The following AKAP5 variants were observed in gnomAD, a reference collection of about 807,000 sequenced individuals.
AKAP5 encodes A-kinase anchor protein 5.
AKAP5 carries 5 observed loss-of-function variants against 13.8 expected under a neutral mutation model. The ratio of observed to expected loss-of-function variants is 0.36; its 90% CI spans 0.19 to 0.76. The LOEUF is 0.76. Ranked by LOEUF, AKAP5 falls within the 30% of genes least tolerant of loss-of-function variation. AKAP5 has a pLI of 0.51. For missense variants in AKAP5, 406 were observed against 484.4 expected (o/e 0.84, Z 1.52); for synonymous variants, 148 against 167.2 (o/e 0.89, Z 0.89).
In AKAP5 at chr14:64,469,259, C is replaced by G. The variant is rs765696228; in HGVS notation, c.865C>G (p.Pro289Ala). 45 of 1,613,364 alleles carry G rather than the reference C, an allele frequency of 2.8e-5. No homozygotes were observed. The highest frequency in any genetic ancestry group is 3.6e-5 in the Non-Finnish European group (42 of 1,179,956). Residue 289 changes from proline to alanine, a missense_variant, in exon 2 of 2, where the codon CCA becomes GCA. Transcript: ENST00000394718. ...CAGTAACAGTACCCTAGAAAGTGCA[C>G]CAAATGGAAAAGACTATGAAAGTAC... ...EASNSTLESA[P>A]NGKDYESTEI... is the part of the protein sequence containing the mutation.
chr14:64,469,970 G>T lies in AKAP5; in HGVS notation c.*292G>T. The T allele has an allele frequency of 3.8e-6, 1 of 262,808 alleles. No individual in the cohort carries two copies. The highest frequency in any genetic ancestry group is 7.6e-6 in the Non-Finnish European group (1 of 131,506). 16.3% of individuals were successfully genotyped at this position (262,808 alleles called of 1,614,324 possible). A position where few individuals can be genotyped will look rare whatever the true frequency, so the allele number is the denominator to read the frequency against. ...GATTGGAGTGCTTTGGGGGAGGAAG[G>T]TGTATTTATTGAGCACTTATGGTAT... is the stretch of plus-strand genomic sequence containing the variant. On this transcript the variant is annotated 3_prime_UTR_variant, in exon 2 of 2. Coordinates refer to ENST00000394718, the MANE Select transcript of AKAP5 (RefSeq NM_004857.3).
At position 64,469,061 on chromosome 14, in the gene AKAP5, A is replaced by T. The variant is rs773080854; in HGVS notation, c.667A>T (p.Ile223Phe). Reference protein sequence around the residue: ...ELGLDNGHSAIQTGTLILEEI... With the variant: ...ELGLDNGHSAFQTGTLILEEI... ...TGGATTAGATAATGGGCATTCTGCT[A>T]TTCAAACGGGAACTCTAATCCTTGA... Residue 223 changes from isoleucine (I) to phenylalanine (F), a missense_variant, in exon 2 of 2, where the codon ATT (isoleucine) becomes TTT (phenylalanine). By Grantham distance (21) the Ile-to-Phe change is conservative. Coordinates refer to ENST00000394718, the MANE Select transcript of AKAP5 (RefSeq NM_004857.3). 2.2e-5 allele frequency: 36 copies of T among 1,614,040 alleles called. No homozygotes were observed. Among genetic ancestry groups the T allele is most frequent in the Non-Finnish European group, 3.1e-5 (36 of 1,180,024 alleles).
At position 64,468,567 on chromosome 14, in the gene AKAP5, TGGC is replaced by T; in HGVS notation, c.174_176del (p.Ala59del). ...AAAGCTGGCTCTGAAGCTGCTGATGTGGCAAGGAAGTGTCCACAAGAAGCAGGA... is the reference window on the plus strand; with the variant it reads ...AAAGCTGGCTCTGAAGCTGCTGATGTAAGGAAGTGTCCACAAGAAGCAGGA... On this transcript the variant is annotated inframe_deletion, in exon 2 of 2. Transcript: ENST00000394718. 6.2e-7 allele frequency: 1 copy of T among 1,614,056 alleles called. No individual in the cohort carries two copies. The highest frequency in any genetic ancestry group is 8.5e-7 in the Non-Finnish European group (1 of 1,180,034).
In AKAP5 at chr14:64,468,694, A is replaced by T; in HGVS notation, c.300A>T (p.Pro100=). 3 of 1,614,146 alleles carry T rather than the reference A, an allele frequency of 1.9e-6. No individual in the cohort carries two copies. The highest frequency in any genetic ancestry group is 2.5e-6 in the Non-Finnish European group (3 of 1,180,028). The change falls in exon 2 of 2, where the codon CCA becomes CCT. Residue 100 remains proline, a synonymous_variant. Coordinates refer to ENST00000394718, the MANE Select transcript of AKAP5 (RefSeq NM_004857.3). ...CAGAGTCTTCAAAGCAGCAAAAGCC[A>T]TTGGAGGGTGAAATGCAACCTGCAA... ...KRSESSKQQK[P]LEGEMQPAIN... is the part of the protein sequence containing the mutation.
intron 1 of AKAP5, chr14:64,467,257 C>G (rs2078621517): frequency 6.6e-6 from 1 of 152,200 alleles, no homozygotes; most frequent in Non-Finnish European, 1.5e-5. Flanking sequence ...GTAATCTCAG[C>G]CAAATTGCTT....
At position 64,473,608 on chromosome 14, in the gene AKAP5, G is replaced by C. The variant is rs1458664346; in HGVS notation, c.*3930G>C. On this transcript the variant is annotated 3_prime_UTR_variant, in exon 2 of 2. Transcript: ENST00000394718. ...AAGTTACCTTATTTTTTATAGTTAA[G>C]AATGTTTTTCGAGGTTTACAACAGA... 1.2e-5 allele frequency: 2 copies of C among 166,996 alleles called. No individual in the cohort carries two copies. Among genetic ancestry groups the C allele is most frequent in the African/African-American group, 4.8e-5 (2 of 41,392 alleles). 10.3% of individuals were successfully genotyped at this position (166,996 alleles called of 1,614,324 possible). A position where few individuals can be genotyped will look rare whatever the true frequency, so the allele number is the denominator to read the frequency against.
rs1297918913 is a variant in AKAP5 at position 64,471,254 on chromosome 14, ACC to A, written c.*1577_*1578del. On this transcript the variant is annotated 3_prime_UTR_variant, in exon 2 of 2. Transcript: ENST00000394718. Reference sequence around the variant, plus strand: ...TGCAAGCTCCACCTCCTGGGTTCACACCATTCTTCTGCCTCAGCCTCCCAAGT... The same window carrying A: ...TGCAAGCTCCACCTCCTGGGTTCACAATTCTTCTGCCTCAGCCTCCCAAGT... The A allele has an allele frequency of 2.6e-5, 4 of 153,028 alleles. No homozygotes were observed. Among genetic ancestry groups the A allele is most frequent in the Non-Finnish European group, 5.9e-5 (4 of 67,692 alleles). 9.5% of individuals were successfully genotyped at this position (153,028 alleles called of 1,614,324 possible). A position where few individuals can be genotyped will look rare whatever the true frequency, so the allele number is the denominator to read the frequency against.
chr14:64,465,855 G>T (rs1228236292), intron 1 of AKAP5, among the ~76,000 whole-genome samples: 1 of 152,202 alleles, frequency 6.6e-6, no homozygotes, highest in African/African-American at 2.4e-5. Flanking sequence ...ATGGGTTGCC[G>T]GTGGCTTTTT....
chr14:64,468,133 T>C lies in AKAP5; in HGVS notation c.-262T>C, dbSNP rs2078630182. The C allele has an allele frequency of 4.1e-6, 1 of 243,202 alleles. No individual in the cohort carries two copies. Among genetic ancestry groups the C allele is most frequent in the Admixed American group, 5.0e-5 (1 of 19,854 alleles). 15.1% of individuals were successfully genotyped at this position (243,202 alleles called of 1,614,324 possible). The stretch of plus-strand genomic sequence containing the variant: ...TACCACTTTCTTTTCTCTCATCAGG[T>C]TGATCTTTAAATAAAGCAAAAATTT... On this transcript the variant is annotated splice_region_variant and 5_prime_UTR_variant, in exon 2 of 2. Transcript: ENST00000394718.
Position 64,468,755 on chromosome 14 carries a change from G to C in AKAP5, c.361G>C (p.Ala121Pro). 1 of 1,614,164 alleles carries C rather than the reference G, an allele frequency of 6.2e-7. No individual in the cohort carries two copies. The highest frequency in any genetic ancestry group is 8.5e-7 in the Non-Finnish European group (1 of 1,180,042). ...AEDADLSKKK[A>P]KSRLKIPCIK... The stretch of plus-strand genomic sequence containing the variant: ...GGATGCTGATCTTTCTAAGAAAAAG[G>C]CAAAATCTAGACTTAAGATTCCCTG... Residue 121 changes from alanine (A) to proline (P), a missense_variant, in exon 2 of 2, where the codon GCA becomes CCA. Coordinates refer to ENST00000394718, the MANE Select transcript of AKAP5 (RefSeq NM_004857.3).
In AKAP5 at chr14:64,474,192, G is replaced by A. The variant is rs2078700543; in HGVS notation, c.*4514G>A. The A allele has an allele frequency of 6.0e-6, 1 of 167,086 alleles. No homozygotes were observed. The highest frequency in any genetic ancestry group is 6.5e-5 in the Admixed American group (1 of 15,284). The allele number at this position is 167,086 out of a possible 1,614,324, so 10.4% of individuals were successfully genotyped here. A position where few individuals can be genotyped will look rare whatever the true frequency, so the allele number is the denominator to read the frequency against. On this transcript the variant is annotated 3_prime_UTR_variant, in exon 2 of 2. Transcript: ENST00000394718. Reference sequence around the variant, plus strand: ...GAGAGAGCAATTAATTTGGTGTGGGGAAGGTGGTGATCTGAATACAGCAGC... The same window carrying A: ...GAGAGAGCAATTAATTTGGTGTGGGAAAGGTGGTGATCTGAATACAGCAGC...
chr14:64,473,900 G>T lies in AKAP5; in HGVS notation c.*4222G>T, dbSNP rs964952904. 1.2e-5 allele frequency: 2 copies of T among 166,540 alleles called. No individual in the cohort carries two copies. The highest frequency in any genetic ancestry group is 6.6e-5 in the Admixed American group (1 of 15,264). The allele number at this position is 166,540 out of a possible 1,614,324, so 10.3% of individuals were successfully genotyped here. Reference sequence around the variant, plus strand: ...ATTTCAATCCATGGTATATTTTATGGTACATTTTGAAAAGAAAATTTGTAA... The same window carrying T: ...ATTTCAATCCATGGTATATTTTATGTTACATTTTGAAAAGAAAATTTGTAA... On this transcript the variant is annotated 3_prime_UTR_variant, in exon 2 of 2. Transcript: ENST00000394718.
rs2078682945 is a variant in AKAP5, at chr14:64,472,450, TAAG to T, written c.*2775_*2777del. 2 of 167,048 alleles carry T rather than the reference TAAG, an allele frequency of 1.2e-5. No individual in the cohort carries two copies. Among genetic ancestry groups the T allele is most frequent in the Admixed American group, 1.3e-4 (2 of 15,280 alleles). 10.3% of individuals were successfully genotyped at this position (167,048 alleles called of 1,614,324 possible). On this transcript the variant is annotated 3_prime_UTR_variant, in exon 2 of 2. Coordinates refer to ENST00000394718, the MANE Select transcript of AKAP5 (RefSeq NM_004857.3). ...AAATATGTGCAATGAATTTTTTGGT[TAAG>T]AAAGTAAAATTTTATCTAATACTAG...
Position 64,469,088 on chromosome 14 carries a change from G to C in AKAP5, c.694G>C (p.Glu232Gln). ...AIQTGTLILE[E>Q]IETIKEKQDV... ...TCAAACGGGAACTCTAATCCTTGAA[G>C]AAATTGAAACGATCAAGGAAAAACA... Residue 232 changes from glutamate (E) to glutamine (Q), a missense_variant, in exon 2 of 2, where the codon GAA (glutamate) becomes CAA (glutamine). Glu to Gln is a conservative substitution (Grantham distance 29, BLOSUM62 2). Transcript: ENST00000394718. 6.2e-7 allele frequency: 1 copy of C among 1,613,974 alleles called. No homozygotes were observed. The highest frequency in any genetic ancestry group is 2.2e-5 in the East Asian group (1 of 44,886).
Position 64,465,677 on chromosome 14 carries a change from G to A in AKAP5, c.-264+64G>A, listed in dbSNP as rs1781806045. The stretch of plus-strand genomic sequence containing the variant: ...GGTCGGGGGCAATGTCCGGTCCGCG[G>A]ACCGCGGAGTGGGCAAGAGGTGCCC... On this transcript the variant is annotated intron_variant, in intron 1 of 1. Coordinates refer to ENST00000394718, the MANE Select transcript of AKAP5 (RefSeq NM_004857.3). The A allele has an allele frequency of 2.6e-5, 4 of 152,234 alleles. No individual in the cohort carries two copies. The South Asian group carries it at 6.2e-4, about 24-fold the overall frequency. The allele number at this position is 152,234 out of a possible 1,614,324, so 9.4% of individuals were successfully genotyped here.
At position 64,471,589 on chromosome 14, in the gene AKAP5, TCTTTC is replaced by T. The variant is rs1041320779; in HGVS notation, c.*1915_*1919del. 6.0e-6 allele frequency: 1 copy of T among 167,148 alleles called. No individual in the cohort carries two copies. The highest frequency in any genetic ancestry group is 2.4e-5 in the African/African-American group (1 of 41,470). 10.4% of individuals were successfully genotyped at this position (167,148 alleles called of 1,614,324 possible). Reference sequence around the variant, plus strand: ...TTTTGAAAAAGTAATCCTATTTCAATCTTTCCTTGTGTGAAATGGCCATAATACCA... The same window carrying T: ...TTTTGAAAAAGTAATCCTATTTCAATCTTGTGTGAAATGGCCATAATACCA... On this transcript the variant is annotated 3_prime_UTR_variant, in exon 2 of 2. Coordinates refer to ENST00000394718, the MANE Select transcript of AKAP5 (RefSeq NM_004857.3).
rs2078699663 is a variant in AKAP5, at chr14:64,474,100, C to CG, written c.*4425dup. ...CCTAGGGAGCAGTGACAACAGAAAC[C>CG]GGGTTGGGTTAAGGCAAAGAGCCAT... On this transcript the variant is annotated 3_prime_UTR_variant, in exon 2 of 2. Coordinates refer to ENST00000394718, the MANE Select transcript of AKAP5 (RefSeq NM_004857.3). 6.0e-6 allele frequency: 1 copy of CG among 167,040 alleles called. No homozygotes were observed. The highest frequency in any genetic ancestry group is 1.5e-5 in the Non-Finnish European group (1 of 68,118). The allele number at this position is 167,040 out of a possible 1,614,324, so 10.3% of individuals were successfully genotyped here.
At position 64,471,624 on chromosome 14, in the gene AKAP5, G is replaced by A. The variant is rs1344176987; in HGVS notation, c.*1946G>A. The A allele has an allele frequency of 6.0e-6, 1 of 167,046 alleles. No individual in the cohort carries two copies. The highest frequency in any genetic ancestry group is 6.5e-5 in the Admixed American group (1 of 15,284). The allele number at this position is 167,046 out of a possible 1,614,324, so 10.3% of individuals were successfully genotyped here. ...TGTGAAATGGCCATAATACCAGAGT[G>A]CACTTCCCTACCTCACAGGTTAGGA... On this transcript the variant is annotated 3_prime_UTR_variant, in exon 2 of 2. Transcript: ENST00000394718.
In AKAP5 at chr14:64,469,443, T is replaced by C. The variant is rs1258688980; in HGVS notation, c.1049T>C (p.Phe350Ser). Reference sequence around the variant, plus strand: ...ATTACAGACACTGAAATCAGTGAATTTGATGTTACAAAATCTAAAAATGTC... The same window carrying C: ...ATTACAGACACTGAAATCAGTGAATCTGATGTTACAAAATCTAAAAATGTC... The part of the protein sequence containing the change: ...IIITDTEISE[F>S]DVTKSKNVPK... The change falls in exon 2 of 2, where the codon TTT (phenylalanine) becomes TCT (serine). Residue 350 changes from phenylalanine to serine, a missense_variant. Coordinates refer to ENST00000394718, the MANE Select transcript of AKAP5 (RefSeq NM_004857.3). 1.2e-6 allele frequency: 2 copies of C among 1,613,016 alleles called. No homozygotes were observed. Among genetic ancestry groups the C allele is most frequent in the Middle Eastern group, 1.7e-4 (1 of 6,060 alleles).
Sources: allele counts gnomAD v4.1 joint callset (sites outside exome capture counted in the v4.1 genomes callset), GRCh38; gene constraint gnomAD v4.1.1; transcripts MANE v1.5; gene names NCBI Gene and HGNC (gene_info 2026-07-23, HGNC 2026-07-21).